HLCS: variants seen among roughly 807,000 people sequenced by gnomAD.
The protein encoded by HLCS is biotin--protein ligase.
A neutral mutation model predicts 75.0 loss-of-function variants in HLCS; 53 were observed. The ratio of observed to expected loss-of-function variants is 0.71; its 90% CI spans 0.57 to 0.89. The LOEUF (loss-of-function observed/expected upper bound fraction) is 0.89. HLCS is among the 40% of genes least tolerant of loss of function. The pLI is 0.00. For synonymous variants in HLCS, 431 were observed against 428.6 expected, an observed-to-expected ratio of 1.01 and a Z score of -0.07; for missense variants, 966 against 1,074.0, an observed-to-expected ratio of 0.90 and a Z score of 1.41.
chr21:36,786,885 G>A (rs1288256210), intron 6 of HLCS, among the ~76,000 whole-genome samples: 1 of 152,198 alleles, frequency 6.6e-6, no homozygotes, highest in African/African-American at 2.4e-5. Flanking sequence ...AGTGATATGA[G>A]GCCTTGGGCC....
chr21:36,755,611 C>T (rs2089535769), intron 10 of HLCS, among the ~76,000 whole-genome samples: 1 of 152,240 alleles, frequency 6.6e-6, no homozygotes, highest in African/African-American at 2.4e-5. Context: ...TTCCCTCCAT[C>T]CAGGATCACA....
chr21:36,771,984 G>A (rs2060222198), intron 6 of HLCS, among the ~76,000 whole-genome samples: 1 of 149,390 alleles, frequency 6.7e-6, no homozygotes, highest in Non-Finnish European at 1.5e-5. Context: ...AGGCAACATA[G>A]AGACTCCAAC....
intron 6 of HLCS, among the ~76,000 whole-genome samples, chr21:36,774,219 C>T (rs927685276): frequency 1.3e-5 from 2 of 152,080 alleles, no homozygotes; most frequent in Non-Finnish European, 2.9e-5. Flanking sequence ...AGGTGGCTGC[C>T]CCAGGACACT....
At chr21:36,916,426 G>A (rs569805325) in intron 5 of HLCS, among the ~76,000 whole-genome samples, 2 of 151,194 alleles carry the variant, frequency 1.3e-5, no homozygotes, top group Admixed American at 6.6e-5. Flanking sequence ...GCAGTGGCGC[G>A]ATCACAAACT....
chr21:36,809,213 TA>T (rs36086662), intron 6 of HLCS, among the ~76,000 whole-genome samples: 107 of 146,788 alleles, frequency 7.3e-4, no homozygotes, highest in East Asian at 1.6e-3. Flanking sequence ...GACCTCAACT[TA>T]AAAAAAAAAA....
At chr21:36,914,178 C>T (rs1481788144) in intron 5 of HLCS, among the ~76,000 whole-genome samples, 6 of 152,232 alleles carry the variant, frequency 3.9e-5, no homozygotes, top group East Asian at 3.8e-4. Context: ...GACAGGTGAA[C>T]GGTCCAGGGG....
chr21:36,900,734 T>G (rs55887820), intron 5 of HLCS, among the ~76,000 whole-genome samples: 1 of 151,798 alleles, frequency 6.6e-6, no homozygotes, highest in Non-Finnish European at 1.5e-5. Flanking sequence ...GCAGCAGACA[T>G]GGTGAGAAAG....
intron 4 of HLCS, among the ~76,000 whole-genome samples, chr21:36,933,408 G>A (rs566472122): frequency 8.6e-5 from 13 of 151,642 alleles, no homozygotes; most frequent in Middle Eastern, 3.4e-3. Flanking sequence ...AAAATTAGCC[G>A]GGCCTGATAG....
chr21:36,874,427 A>C (rs2063888554), intron 6 of HLCS, among the ~76,000 whole-genome samples: 1 of 151,968 alleles, frequency 6.6e-6, no homozygotes. Flanking sequence ...AATAAAATAA[A>C]ATAAAATAAA....
chr21:36,840,810 A>C (rs1254010595), intron 6 of HLCS, among the ~76,000 whole-genome samples: 1 of 151,978 alleles, frequency 6.6e-6, no homozygotes, highest in Non-Finnish European at 1.5e-5. Context: ...ATGGGGTTTC[A>C]CCATGTTGGC....
intron 2 of HLCS, among the ~76,000 whole-genome samples, chr21:36,942,876 G>A (rs2067213793): frequency 6.6e-6 from 1 of 151,872 alleles, no homozygotes; most frequent in Non-Finnish European, 1.5e-5. Context: ...CTTGCAGTGA[G>A]CCAAGATTGC....
At chr21:36,917,563 T>C (rs1053427425) in intron 5 of HLCS, among the ~76,000 whole-genome samples, 4 of 152,208 alleles carry the variant, frequency 2.6e-5, no homozygotes, top group African/African-American at 9.6e-5. Context: ...GTCTTGAATT[T>C]TGTCCAGTTC....
intron 6 of HLCS, among the ~76,000 whole-genome samples, chr21:36,849,003 C>T (rs543322052): frequency 1.3e-5 from 2 of 152,280 alleles, no homozygotes; most frequent in South Asian, 4.1e-4. Flanking sequence ...ATAAAAGGTC[C>T]ATTCTAGAAT....
At chr21:36,933,856 T>C (rs2066759920) in intron 4 of HLCS, among the ~76,000 whole-genome samples, 1 of 152,126 alleles carries the variant, frequency 6.6e-6, no homozygotes, top group South Asian at 2.1e-4. Flanking sequence ...ACGCAGTGAA[T>C]TGTATGAACT....
At chr21:36,764,885 T>C (rs139990291) in intron 8 of HLCS, 127 bp downstream of exon 8, 7 of 1,016,974 alleles carry the variant, frequency 6.9e-6, no homozygotes, top group Admixed American at 1.8e-5. Flanking sequence ...AGCACTTTGC[T>C]GCCAGCTGTG....
intron 6 of HLCS, among the ~76,000 whole-genome samples, chr21:36,807,721 C>G (rs943272807): frequency 6.6e-6 from 1 of 152,214 alleles, no homozygotes; most frequent in African/African-American, 2.4e-5. Flanking sequence ...CGACCCTGTT[C>G]TGTGGATCCG....
chr21:36,873,960 A>C (rs964118885), intron 6 of HLCS, among the ~76,000 whole-genome samples: 3 of 152,186 alleles, frequency 2.0e-5, no homozygotes, highest in African/African-American at 7.2e-5. Context: ...TTCTGTCATC[A>C]GTTTAAGAAA....
intron 5 of HLCS, among the ~76,000 whole-genome samples, chr21:36,908,231 AAAAAC>A (rs2065547005): frequency 6.6e-6 from 1 of 152,038 alleles, no homozygotes; most frequent in East Asian, 1.9e-4. Flanking sequence ...CAAAAAATAA[AAAAAC>A]AAAACTAGTC....
chr21:36,824,227 T>C (rs1569062367), intron 6 of HLCS, among the ~76,000 whole-genome samples: 1 of 152,240 alleles, frequency 6.6e-6, no homozygotes, highest in Non-Finnish European at 1.5e-5. Flanking sequence ...AAAGAAAATG[T>C]GGCATATATA....
Sources: gnomAD v4.1 joint callset for allele counts (sites outside exome capture counted in the v4.1 genomes callset) on GRCh38, gnomAD v4.1.1 for gene constraint, MANE v1.5 for transcripts, NCBI Gene and HGNC (gene_info 2026-07-23, HGNC 2026-07-21) for gene names.